Variants in HEMK2 observed in about 807,000 individuals in gnomAD.
The protein encoded by HEMK2 is HemK methyltransferase 2, ETF1 glutamine and histone H4 lysine, also known as methyltransferase HEMK2.
the HEMK2 span, among the ~76,000 whole-genome samples, chr21:28,768,380 T>A: frequency 6.6e-6 from 1 of 151,522 alleles, no homozygotes; most frequent in Admixed American, 6.6e-5. Flanking sequence ...GAGTGTCCAC[T>A]CAGTTTGTGC....
chr21:28,743,017 G>C, the HEMK2 span, among the ~76,000 whole-genome samples: 1 of 152,136 alleles, frequency 6.6e-6, no homozygotes, highest in African/African-American at 2.4e-5. Flanking sequence ...TACCTGGTAG[G>C]AGTGCAATGA....
chr21:28,645,996 G>C, the HEMK2 span, among the ~76,000 whole-genome samples: 1 of 152,036 alleles, frequency 6.6e-6, no homozygotes, highest in African/African-American at 2.4e-5. Context: ...GCTGGGATTC[G>C]GAATTTTTAA....
chr21:28,744,216 G>A, the HEMK2 span, among the ~76,000 whole-genome samples: 4 of 151,514 alleles, frequency 2.6e-5, no homozygotes, highest in Admixed American at 2.0e-4. Flanking sequence ...TAACAAACCT[G>A]CACATGTACT....
At chr21:28,615,522 T>C in the HEMK2 span, among the ~76,000 whole-genome samples, 16 of 151,964 alleles carry the variant, frequency 1.1e-4, no homozygotes, top group Middle Eastern at 6.8e-3. Flanking sequence ...CACACCAGCA[T>C]GAGGACCAAA....
chr21:28,697,406 A>C, the HEMK2 span, among the ~76,000 whole-genome samples: 197 of 152,228 alleles, frequency 1.3e-3, no homozygotes, highest in African/African-American at 4.5e-3. Context: ...TCTCCATCTG[A>C]GATCATCCCA....
the HEMK2 span, among the ~76,000 whole-genome samples, chr21:28,652,384 T>C: frequency 2.6e-5 from 4 of 152,118 alleles, no homozygotes; most frequent in South Asian, 4.1e-4. Context: ...GAAGGGCTTA[T>C]AGTTTCTTCC....
chr21:28,650,417 G>A, the HEMK2 span, among the ~76,000 whole-genome samples: 1 of 151,964 alleles, frequency 6.6e-6, no homozygotes. Context: ...GCCATGGTCC[G>A]TTTAATATTG....
chr21:28,679,472 T>A, the HEMK2 span, among the ~76,000 whole-genome samples: 10 of 152,198 alleles, frequency 6.6e-5, no homozygotes, highest in African/African-American at 1.9e-4. Context: ...CACCCCACTG[T>A]CAACATTAGA....
chr21:28,719,790 A>G, the HEMK2 span, among the ~76,000 whole-genome samples: 24 of 152,228 alleles, frequency 1.6e-4, no homozygotes, highest in Admixed American at 1.6e-3. Context: ...AGTGTTGACG[A>G]AAAGCAACTC....
the HEMK2 span, among the ~76,000 whole-genome samples, chr21:28,670,236 T>C: frequency 3.3e-5 from 5 of 152,316 alleles, no homozygotes; most frequent in African/African-American, 1.2e-4. Context: ...ATACAGAATT[T>C]ATAGTTTTGA....
At chr21:28,696,542 T>C in the HEMK2 span, among the ~76,000 whole-genome samples, 1 of 152,300 alleles carries the variant, frequency 6.6e-6, no homozygotes, top group South Asian at 2.1e-4. Flanking sequence ...TGGGTTGTCA[T>C]TGAGTTTCTG....
At chr21:28,692,542 A>C in the HEMK2 span, among the ~76,000 whole-genome samples, 1 of 152,106 alleles carries the variant, frequency 6.6e-6, no homozygotes, top group Non-Finnish European at 1.5e-5. Context: ...TATAAAACTA[A>C]CCAAAGAATC....
At chr21:28,664,859 G>A in the HEMK2 span, among the ~76,000 whole-genome samples, 1 of 152,204 alleles carries the variant, frequency 6.6e-6, no homozygotes, top group South Asian at 2.1e-4. Context: ...ATTTTGTTCA[G>A]AAGATTACTT....
the HEMK2 span, among the ~76,000 whole-genome samples, chr21:28,701,150 T>G: frequency 1.3e-5 from 2 of 152,106 alleles, no homozygotes; most frequent in Non-Finnish European, 2.9e-5. Context: ...TACTTCAAAA[T>G]AGTAACAGCC....
chr21:28,723,311 T>G, the HEMK2 span, among the ~76,000 whole-genome samples: 5 of 152,206 alleles, frequency 3.3e-5, no homozygotes, highest in Non-Finnish European at 7.3e-5. Flanking sequence ...ACACTGTTCC[T>G]GGCCTAGATT....
At chr21:28,677,148 T>C in the HEMK2 span, among the ~76,000 whole-genome samples, 1 of 152,076 alleles carries the variant, frequency 6.6e-6, no homozygotes, top group Non-Finnish European at 1.5e-5. Flanking sequence ...CCTTTCCTAG[T>C]CAAAGAAAGG....
the HEMK2 span, among the ~76,000 whole-genome samples, chr21:28,828,670 C>A: frequency 4.5e-3 from 688 of 152,294 alleles, 6 homozygotes; most frequent in African/African-American, 0.016. Context: ...CATTGACCAA[C>A]TGCTGTCAGA....
chr21:28,804,352 T>A, the HEMK2 span, among the ~76,000 whole-genome samples: 4 of 152,228 alleles, frequency 2.6e-5, no homozygotes, highest in African/African-American at 9.6e-5. Context: ...TTGAACATTT[T>A]GTAATTCAAA....
the HEMK2 span, among the ~76,000 whole-genome samples, chr21:28,734,987 G>C: frequency 6.6e-6 from 1 of 152,174 alleles, no homozygotes; most frequent in Non-Finnish European, 1.5e-5. Context: ...CTGTGGGTTG[G>C]TCAGGTGGCC....
Sources: gnomAD v4.1 joint callset for allele counts (sites outside exome capture counted in the v4.1 genomes callset) on GRCh38, gnomAD v4.1.1 for gene constraint, MANE v1.5 for transcripts, NCBI Gene and HGNC (gene_info 2026-07-23, HGNC 2026-07-21) for gene names.